The following ALDH1L1 variants were observed in gnomAD, a reference collection of about 807,000 sequenced individuals.
The protein encoded by ALDH1L1 is cytosolic 10-formyltetrahydrofolate dehydrogenase.
Under a neutral mutation model 101.1 loss-of-function variants are expected in ALDH1L1, and 68 were observed. The ratio of observed to expected loss-of-function variants is 0.67; its 90% CI spans 0.55 to 0.82. The LOEUF (loss-of-function observed/expected upper bound fraction) is 0.82, where lower values mean the gene tolerates loss of function less well. ALDH1L1 is among the 40% of genes least tolerant of loss of function. The pLI, the probability that ALDH1L1 is intolerant of heterozygous loss-of-function variation, is 0.00. For missense variants in ALDH1L1, 1,087 were observed against 1,172.7 expected (o/e 0.93, Z 1.07); for synonymous variants, 486 against 470.8 (o/e 1.03, Z -0.42).
At chr3:126,176,726 C>T (rs529057067) in intron 1 of ALDH1L1, among the ~76,000 whole-genome samples, 61 of 152,212 alleles carry the variant, frequency 4.0e-4, no homozygotes, top group Middle Eastern at 6.8e-3. Flanking sequence ...TACATTAGAC[C>T]TTATTAAAAT....
In ALDH1L1 at chr3:126,143,396, C is replaced by T. The variant is rs539304670; in HGVS notation, c.1076+3439G>A. Among the ~76,000 whole-genome samples, 5 of 152,130 alleles carry T rather than the reference C, an allele frequency of 3.3e-5. No individual in the cohort carries two copies. In the South Asian group the frequency reaches 6.2e-4, roughly 19 times the overall value. On this transcript the variant is annotated intron_variant, in intron 9 of 22. Transcript: ENST00000393434. ...GATCCACGTATCAGGTGGGATGGAG[C>T]GGGACAGCATGAGATTTCATCATTC... is the stretch of plus-strand genomic sequence containing the variant.
rs867350322 is a variant in ALDH1L1 at position 126,194,512 on chromosome 3, C to T, written c.-24+3223G>A. Among the ~76,000 whole-genome samples the T allele has an allele frequency of 4.6e-5, 7 of 152,226 alleles. No homozygotes were observed. The Middle Eastern group carries it at 0.02, about 444-fold the overall frequency. ...ACCATGAGGTGAGATTCTTATAAAC[C>T]TTTTATCACCCTCTACAATTTTTGT... On this transcript the variant is annotated intron_variant, in intron 1 of 2. Transcript: ENST00000509952.
intron 1 of ALDH1L1, among the ~76,000 whole-genome samples, chr3:126,192,932 A>G (rs1412497853): frequency 2.0e-5 from 3 of 152,214 alleles, no homozygotes; most frequent in African/African-American, 7.2e-5. Flanking sequence ...GGGAAGTGAC[A>G]TACAGGAATC....
intron 7 of ALDH1L1, 104 bp downstream of exon 7, chr3:126,153,340 C>CCATTTTCTCCAGAGGAGCCTAGGGTCTT: frequency 6.4e-7 from 1 of 1,574,504 alleles, no homozygotes; most frequent in South Asian, 1.1e-5. Flanking sequence ...CTGGTTTTTT[C>CCATTTTCTCCAGAGGAGCCTAGGGTCTT]CATTTTCTCC....
chr3:126,170,814 A>T (rs2081258565), intron 1 of ALDH1L1, among the ~76,000 whole-genome samples: 1 of 152,170 alleles, frequency 6.6e-6, no homozygotes, highest in Non-Finnish European at 1.5e-5. Context: ...TTCTAACTAC[A>T]AGCAGCCAGA....
chr3:126,150,319 G>T (rs1186751211), intron 8 of ALDH1L1, 87 bp downstream of exon 8: 5 of 1,493,892 alleles, frequency 3.3e-6, no homozygotes, highest in Non-Finnish European at 4.5e-6. Context: ...GGCTGGCGCT[G>T]CCCAACTCTG....
rs1372296968 is a variant in ALDH1L1, at chr3:126,111,925, T to C, written c.2181+857A>G. Among the ~76,000 whole-genome samples the C allele has an allele frequency of 2.0e-5, 3 of 152,136 alleles. No homozygotes were observed. In the South Asian group the frequency reaches 6.2e-4, roughly 32 times the overall value. On this transcript the variant is annotated intron_variant, in intron 19 of 22. Coordinates refer to ENST00000393434, the MANE Select transcript of ALDH1L1 (RefSeq NM_012190.4). The stretch of plus-strand genomic sequence containing the variant: ...GGATGAAGGATGGCTGAGGCCTGGC[T>C]CGTGTCAACCCCACAGTGTTTTCTA...
At chr3:126,154,325 G>T (rs1386266859) in intron 6 of ALDH1L1, among the ~76,000 whole-genome samples, 1 of 152,190 alleles carries the variant, frequency 6.6e-6, no homozygotes, top group East Asian at 1.9e-4. Flanking sequence ...GGCACTACAA[G>T]GGCCTGGAGG....
chr3:126,135,210 A>C, intron 12 of ALDH1L1: 5 of 247,408 alleles, frequency 2.0e-5, no homozygotes, highest in East Asian at 1.5e-4. Flanking sequence ...TGGTGAGGGA[A>C]GTGCTTTGTC....
chr3:126,182,234 C>A (rs149862811), upstream of ALDH1L1, among the ~76,000 whole-genome samples: 624 of 152,278 alleles, frequency 4.1e-3, 7 homozygotes, highest in African/African-American at 0.015. Flanking sequence ...GGACCCTCCA[C>A]CTCCTAGGTT....
chr3:126,172,356 G>T (rs2081294453), intron 1 of ALDH1L1, among the ~76,000 whole-genome samples: 1 of 151,744 alleles, frequency 6.6e-6, no homozygotes, highest in Non-Finnish European at 1.5e-5. Context: ...AGAACAAATT[G>T]GTCATGTAAG....
At chr3:126,104,097 C>T (rs1032403504) in intron 22 of ALDH1L1, 9 of 574,420 alleles carry the variant, frequency 1.6e-5, no homozygotes, top group African/African-American at 3.8e-5. Context: ...CAGCTCCCAC[C>T]GCCTTGTCTG....
At chr3:126,159,290 C>G (rs1238557029) in intron 2 of ALDH1L1, 1 of 390,340 alleles carries the variant, frequency 2.6e-6, no homozygotes, top group Non-Finnish European at 5.0e-6. Flanking sequence ...TCCTCCTGCC[C>G]CGTCACCAGC....
At chr3:126,186,122 T>G (rs151290098), upstream of ALDH1L1, among the ~76,000 whole-genome samples, 2 of 152,314 alleles carry the variant, frequency 1.3e-5, no homozygotes, top group African/African-American at 4.8e-5. Flanking sequence ...TGCACGACAG[T>G]GTGAATGCTC....
rs374847086 is a variant in ALDH1L1 at position 126,115,349 on chromosome 3, C to T, written c.1983-693G>A. 544 of 310,574 alleles carry T rather than the reference C, an allele frequency of 1.8e-3. 7 individuals carry two copies. The highest frequency in any genetic ancestry group is 8.9e-4 in the Non-Finnish European group (140 of 156,664). 19.2% of individuals were successfully genotyped at this position (310,574 alleles called of 1,614,324 possible). ...AGGAGGCTCCACTGGGGAGGAGAGG[C>T]CTCCTCTGCAGAAGCAACCCAGGGA... On this transcript the variant is annotated intron_variant, in intron 17 of 22. Transcript: ENST00000393434.
intron 4 of ALDH1L1, 122 bp from the exon 5 acceptor site, chr3:126,155,625 T>C (rs1014490336): frequency 1.6e-5 from 12 of 749,240 alleles, no homozygotes. Context: ...TACACAGCAG[T>C]CACCCAAGAA....
At chr3:126,180,284 A>G (rs2108345869) in intron 1 of ALDH1L1, 192 bp downstream of exon 1, 1 of 234,980 alleles carries the variant, frequency 4.3e-6, no homozygotes, top group Non-Finnish European at 7.0e-6. Flanking sequence ...TTCAGCCTCA[A>G]TTGCTCCAAA....
At chr3:126,168,114 TTAAA>T (rs1312370585) in intron 1 of ALDH1L1, among the ~76,000 whole-genome samples, 3 of 152,210 alleles carry the variant, frequency 2.0e-5, no homozygotes, top group South Asian at 2.1e-4. Flanking sequence ...TGTCTTAAAA[TTAAA>T]TAAAATAAAG....
At position 126,155,464 on chromosome 3, in the gene ALDH1L1, T is replaced by C; in HGVS notation, c.568A>G (p.Arg190Gly). 5 of 1,613,260 alleles carry C rather than the reference T, an allele frequency of 3.1e-6. No homozygotes were observed. Among genetic ancestry groups the C allele is most frequent in the Non-Finnish European group, 4.2e-6 (5 of 1,179,700 alleles). Residue 190 changes from arginine (R) to glycine (G), a missense_variant, in exon 5 of 23, where the codon AGA (arginine) becomes GGA (glycine). Transcript: ENST00000393434. ...GCTCCTTCCTCAGGCTGAGGGAGTC[T>C]GGGGGCTTTGCCCTCAGCGATCAGC... is the stretch of plus-strand genomic sequence containing the variant. ...VRLIAEGKAP[R>G]LPQPEEGATY...
Sources: allele counts gnomAD v4.1 joint callset (sites outside exome capture counted in the v4.1 genomes callset), GRCh38; gene constraint gnomAD v4.1.1; transcripts MANE v1.5; gene names NCBI Gene and HGNC (gene_info 2026-07-23, HGNC 2026-07-21).